The following GTF2F2 variants were observed in gnomAD, a reference collection of about 807,000 sequenced individuals.
GTF2F2 encodes the protein general transcription factor IIF subunit 2.
Under a neutral mutation model 42.2 loss-of-function variants are expected in GTF2F2, and 23 were observed. The ratio of observed to expected loss-of-function variants is 0.55; its 90% CI spans 0.39 to 0.77. The LOEUF (loss-of-function observed/expected upper bound fraction) is 0.77. Ranked by LOEUF, GTF2F2 falls within the 30% of genes least tolerant of loss-of-function variation. The pLI, the probability that GTF2F2 is intolerant of heterozygous loss-of-function variation, is 0.00. For synonymous variants in GTF2F2, 105 were observed against 100.8 expected, an observed-to-expected ratio of 1.04 and a Z score of -0.25; for missense variants, 261 against 287.2, an observed-to-expected ratio of 0.91 and a Z score of 0.66.
At chr13:45,219,145 G>A (rs1049545001) in intron 5 of GTF2F2, among the ~76,000 whole-genome samples, 2 of 145,012 alleles carry the variant, frequency 1.4e-5, no homozygotes, top group African/African-American at 5.3e-5. Context: ...TGAATTAGAA[G>A]TTCTTTTTAG....
chr13:45,153,502 G>A (rs1320125452), intron 4 of GTF2F2, among the ~76,000 whole-genome samples: 2 of 152,144 alleles, frequency 1.3e-5, no homozygotes, highest in South Asian at 2.1e-4. Context: ...TAGTGTAGTA[G>A]TATGGGAGGC....
intron 2 of GTF2F2, among the ~76,000 whole-genome samples, chr13:45,137,147 G>A (rs566350527): frequency 3.9e-5 from 6 of 152,328 alleles, no homozygotes; most frequent in African/African-American, 1.4e-4. Context: ...GGTATAACTG[G>A]ATGCACCAAG....
intron 6 of GTF2F2, among the ~76,000 whole-genome samples, chr13:45,262,973 C>G (rs985433236): frequency 6.6e-6 from 1 of 151,946 alleles, no homozygotes; most frequent in African/African-American, 2.4e-5. Context: ...TGATCCTCCC[C>G]CCTTGGCCTC....
At position 45,136,699 on chromosome 13, in the gene GTF2F2, A is replaced by G. The variant is rs770517057; in HGVS notation, c.67-34A>G. The G allele has an allele frequency of 6.9e-5, 78 of 1,130,124 alleles. No individual in the cohort carries two copies. The East Asian group carries it at 1.7e-3, about 25-fold the overall frequency. 70.0% of individuals were successfully genotyped at this position (1,130,124 alleles called of 1,614,324 possible). On this transcript the variant is annotated intron_variant, in intron 1 of 7. Transcript: ENST00000340473. ...TATGTTTGAAAAGATGTTAGCATCT[A>G]AAATAGACTTATTAGTGTTTTACTT... is the stretch of plus-strand genomic sequence containing the variant.
intron 5 of GTF2F2, among the ~76,000 whole-genome samples, chr13:45,228,550 G>A (rs1017830541): frequency 3.4e-5 from 5 of 148,436 alleles, no homozygotes; most frequent in Non-Finnish European, 7.4e-5. Context: ...CTCACACACC[G>A]TTCTTCCCTT....
chr13:45,223,204 G>A (rs1408432264), intron 5 of GTF2F2, among the ~76,000 whole-genome samples: 2 of 145,730 alleles, frequency 1.4e-5, no homozygotes, highest in Admixed American at 7.0e-5. Flanking sequence ...AGGTTGCAGT[G>A]AGCTGAGATG....
intron 4 of GTF2F2, among the ~76,000 whole-genome samples, chr13:45,184,877 A>C (rs1485388467): frequency 6.6e-6 from 1 of 152,146 alleles, no homozygotes; most frequent in Non-Finnish European, 1.5e-5. Context: ...GCAGTGGCAT[A>C]GTCATGGCTT....
chr13:45,182,296 G>A (rs1003765982), intron 4 of GTF2F2, among the ~76,000 whole-genome samples: 3 of 151,870 alleles, frequency 2.0e-5, no homozygotes, highest in Non-Finnish European at 2.9e-5. Context: ...GATTACAGAC[G>A]CCCACTGCTA....
intron 7 of GTF2F2, among the ~76,000 whole-genome samples, chr13:45,277,625 A>G (rs1427219605): frequency 6.6e-6 from 1 of 152,236 alleles, no homozygotes; most frequent in African/African-American, 2.4e-5. Context: ...TGTGTAGTTT[A>G]TATTTTAACA....
At chr13:45,268,032 A>G (rs564509831) in intron 7 of GTF2F2, among the ~76,000 whole-genome samples, 2 of 152,128 alleles carry the variant, frequency 1.3e-5, no homozygotes, top group Non-Finnish European at 2.9e-5. Flanking sequence ...AATTTGCATT[A>G]ATAATCCATT....
At chr13:45,279,407 TAGTC>T (rs1388953999) in intron 7 of GTF2F2, among the ~76,000 whole-genome samples, 2 of 152,268 alleles carry the variant, frequency 1.3e-5, no homozygotes, top group African/African-American at 4.8e-5. Flanking sequence ...TAGTACAGTT[TAGTC>T]AGTAAACTTT....
intron 2 of GTF2F2, among the ~76,000 whole-genome samples, chr13:45,142,505 C>T (rs1195730902): frequency 6.6e-6 from 1 of 152,104 alleles, no homozygotes; most frequent in Non-Finnish European, 1.5e-5. Context: ...TGGTTTTTAC[C>T]TATGCCAATA....
chr13:45,142,226 G>A (rs556686707), intron 2 of GTF2F2, among the ~76,000 whole-genome samples: 6 of 152,348 alleles, frequency 3.9e-5, no homozygotes, highest in African/African-American at 1.2e-4. Flanking sequence ...GAGCGCAGTG[G>A]CGTGATCTCG....
intron 6 of GTF2F2, among the ~76,000 whole-genome samples, chr13:45,259,233 C>T (rs2138254967): frequency 6.6e-6 from 1 of 152,192 alleles, no homozygotes; most frequent in South Asian, 2.1e-4. Context: ...TCGAGACCAG[C>T]CTGACCAACC....
At chr13:45,208,006 A>G (rs1368555922) in intron 5 of GTF2F2, among the ~76,000 whole-genome samples, 4 of 151,994 alleles carry the variant, frequency 2.6e-5, no homozygotes, top group Non-Finnish European at 4.4e-5. Flanking sequence ...AAAGATAGAA[A>G]AATTAGCTGG....
At chr13:45,200,802 ATGGTT>A (rs1036305481) in intron 4 of GTF2F2, among the ~76,000 whole-genome samples, 4 of 152,220 alleles carry the variant, frequency 2.6e-5, no homozygotes, top group African/African-American at 9.6e-5. Flanking sequence ...AATATTAAAA[ATGGTT>A]TGCCTTTTAA....
intron 2 of GTF2F2, among the ~76,000 whole-genome samples, chr13:45,148,725 T>G (rs1870329958): frequency 6.6e-6 from 1 of 152,170 alleles, no homozygotes; most frequent in Non-Finnish European, 1.5e-5. Flanking sequence ...GTACTTTGCA[T>G]GTAAGAGGTA....
Position 45,247,484 on chromosome 13 carries a change from C to G in GTF2F2, c.387-5387C>G, listed in dbSNP as rs898216888. On this transcript the variant is annotated intron_variant, in intron 5 of 7. Coordinates refer to ENST00000340473, the MANE Select transcript of GTF2F2 (RefSeq NM_004128.3). ...CTCAGCTCACTGCAACCTCCGCCTC[C>G]TGGCTTCAAGCAATTCTCCTGCCTC... 2.0e-5 allele frequency among the ~76,000 whole-genome samples: 3 copies of G among 151,958 alleles called. No individual in the cohort carries two copies. In the East Asian group the frequency reaches 5.9e-4, roughly 30 times the overall value.
chr13:45,257,317 C>G (rs766114528), intron 6 of GTF2F2, among the ~76,000 whole-genome samples: 2 of 151,934 alleles, frequency 1.3e-5, no homozygotes, highest in Non-Finnish European at 2.9e-5. Context: ...GTTTTTTTTC[C>G]CTAAGTGGCA....
Sources: allele counts gnomAD v4.1 joint callset (sites outside exome capture counted in the v4.1 genomes callset), GRCh38; gene constraint gnomAD v4.1.1; transcripts MANE v1.5; gene names NCBI Gene and HGNC (gene_info 2026-07-23, HGNC 2026-07-21).